RNF38: variants seen among roughly 807,000 people sequenced by gnomAD.
RNF38 encodes the protein E3 ubiquitin-protein ligase RNF38.
RNF38 carries 15 observed loss-of-function variants against 67.2 expected under a neutral mutation model. The observed-to-expected ratio is 0.22, with a 90% confidence interval of 0.15 to 0.34. RNF38 has a LOEUF of 0.34. RNF38 is among the 10% of genes least tolerant of loss of function. The pLI is 1.00. For synonymous variants in RNF38, 220 were observed against 218.8 expected (o/e 1.01, Z -0.05); for missense variants, 524 against 639.9 (o/e 0.82, Z 1.95).
At chr9:36,339,920 CCTCTGA>C in intron 11 of RNF38, 106 bp from the exon 12 acceptor site, 1 of 1,015,328 alleles carries the variant, frequency 9.8e-7, no homozygotes, top group Non-Finnish European at 1.5e-6. Context: ...ATTCTTTCTT[CCTCTGA>C]AGAGGTACAA....
chr9:36,469,671 T>TA (rs1034219850), intron 1 of RNF38, among the ~76,000 whole-genome samples: 1 of 151,480 alleles, frequency 6.6e-6, no homozygotes, highest in African/African-American at 2.4e-5. Flanking sequence ...CAATAAAAAA[T>TA]AAAAAATATA....
In RNF38 at chr9:36,349,827, T is replaced by G. The variant is rs1233217259; in HGVS notation, c.1263+1288A>C. ...GTGTAAAGGTCCAGTTTCATTCTTT[T>G]GCAGGTGGGTATCCAGTTTTCCCAA... On this transcript the variant is annotated intron_variant, in intron 9 of 11. Coordinates refer to ENST00000259605, the MANE Select transcript of RNF38 (RefSeq NM_022781.5). Among the ~76,000 whole-genome samples the G allele has an allele frequency of 2.6e-5, 4 of 152,210 alleles. No individual in the cohort carries two copies. The East Asian group carries it at 7.7e-4, about 29-fold the overall frequency.
At chr9:36,453,382 T>TC (rs1491423903) in intron 1 of RNF38, among the ~76,000 whole-genome samples, 63 of 124,836 alleles carry the variant, frequency 5.0e-4, no homozygotes, top group African/African-American at 2.4e-3. Flanking sequence ...GTTCAGGTAA[T>TC]TTTTTTTTTT....
intron 1 of RNF38, among the ~76,000 whole-genome samples, chr9:36,469,042 G>A (rs1348630182): frequency 6.6e-6 from 1 of 152,086 alleles, no homozygotes; most frequent in Admixed American, 6.5e-5. Context: ...AACCCAGGAG[G>A]CGGAGCTTGC....
chr9:36,347,577 G>A (rs1356880497), intron 9 of RNF38, among the ~76,000 whole-genome samples: 1 of 152,140 alleles, frequency 6.6e-6, no homozygotes, highest in Non-Finnish European at 1.5e-5. Flanking sequence ...AACTGTACTT[G>A]TATAAGACAG....
intron 4 of RNF38, among the ~76,000 whole-genome samples, chr9:36,362,050 A>G (rs1834577812): frequency 6.6e-6 from 1 of 152,144 alleles, no homozygotes; most frequent in Non-Finnish European, 1.5e-5. Context: ...ATATGGAAAT[A>G]GTACATTTTA....
At chr9:36,425,726 C>A (rs1351623989) in intron 1 of RNF38, among the ~76,000 whole-genome samples, 1 of 152,062 alleles carries the variant, frequency 6.6e-6, no homozygotes, top group Non-Finnish European at 1.5e-5. Context: ...TGAAAATAAT[C>A]TTGGAATAAG....
At chr9:36,427,869 C>T (rs1313641582) in intron 1 of RNF38, among the ~76,000 whole-genome samples, 1 of 151,470 alleles carries the variant, frequency 6.6e-6, no homozygotes, top group African/African-American at 2.4e-5. Flanking sequence ...TACCACCATG[C>T]CTGGCTAATT....
intron 1 of RNF38, among the ~76,000 whole-genome samples, chr9:36,434,107 G>A (rs1333714545): frequency 6.6e-6 from 1 of 150,702 alleles, no homozygotes; most frequent in Non-Finnish European, 1.5e-5. Flanking sequence ...GTGGTGGCAC[G>A]CGCCCATAAT....
chr9:36,360,951 A>G (rs1386457468), intron 4 of RNF38, among the ~76,000 whole-genome samples: 12 of 152,066 alleles, frequency 7.9e-5, no homozygotes, highest in Non-Finnish European at 1.8e-4. Flanking sequence ...AGCTGGGACT[A>G]CAAGTGCATG....
intron 2 of RNF38, among the ~76,000 whole-genome samples, chr9:36,417,365 T>C (rs536978065): frequency 1.4e-4 from 22 of 152,354 alleles, no homozygotes; most frequent in African/African-American, 4.8e-4. Flanking sequence ...TCCATCCGAG[T>C]AGAAGCTGCA....
chr9:36,487,218 G>A (rs1840438788), intron 1 of RNF38: 2 of 827,072 alleles, frequency 2.4e-6, no homozygotes, highest in Non-Finnish European at 2.9e-6. Context: ...CCCGTCGGCG[G>A]GGCCGGGCGC....
rs375642359 is a variant in RNF38 at position 36,351,298 on chromosome 9, G to A, written c.1179-99C>T. ...GGCCAGTGCTATAAGGATGAAGAAT[G>A]GTTAGTGTTAATCTGACAAATTTAA... On this transcript the variant is annotated intron_variant, in intron 8 of 11. Coordinates refer to ENST00000259605, the MANE Select transcript of RNF38 (RefSeq NM_022781.5). The A allele has an allele frequency of 4.1e-5, 30 of 736,460 alleles. No individual in the cohort carries two copies. The East Asian group carries it at 8.6e-4, about 21-fold the overall frequency. The allele number at this position is 736,460 out of a possible 1,614,324, so 45.6% of individuals were successfully genotyped here.
chr9:36,459,228 T>TG (rs1564070984), intron 1 of RNF38, among the ~76,000 whole-genome samples: 1 of 149,326 alleles, frequency 6.7e-6, no homozygotes, highest in Non-Finnish European at 1.5e-5. Context: ...AAAAGAAAGA[T>TG]AAAGATTGCC....
At chr9:36,362,573 T>C (rs1317195637) in intron 4 of RNF38, among the ~76,000 whole-genome samples, 2 of 151,412 alleles carry the variant, frequency 1.3e-5, no homozygotes, top group Non-Finnish European at 2.9e-5. Context: ...CCAAGGACCC[T>C]TTCCTGGTCA....
chr9:36,368,973 C>A (rs533046494), intron 4 of RNF38, among the ~76,000 whole-genome samples: 2 of 152,148 alleles, frequency 1.3e-5, no homozygotes, highest in South Asian at 4.1e-4. Flanking sequence ...TAGGCAACCT[C>A]TCTCCTCAGC....
intron 1 of RNF38, among the ~76,000 whole-genome samples, chr9:36,450,505 T>C (rs1383882471): frequency 6.6e-6 from 1 of 152,196 alleles, no homozygotes; most frequent in Non-Finnish European, 1.5e-5. Flanking sequence ...ACTAAACTCA[T>C]GCAAACTGCA....
At chr9:36,353,109 TAACTC>T in intron 7 of RNF38, 56 bp downstream of exon 7, 1 of 1,385,738 alleles carries the variant, frequency 7.2e-7, no homozygotes, top group South Asian at 1.2e-5. Flanking sequence ...TACTAAAACA[TAACTC>T]AGAACAAGTA....
intron 2 of RNF38, among the ~76,000 whole-genome samples, chr9:36,423,824 C>T (rs1350521304): frequency 1.1e-5 from 1 of 88,856 alleles, no homozygotes; most frequent in Non-Finnish European, 2.7e-5. Flanking sequence ...TGGCGGGCGC[C>T]TGTAGTCCCA....
Sources: gnomAD v4.1 joint callset for allele counts (sites outside exome capture counted in the v4.1 genomes callset) on GRCh38, gnomAD v4.1.1 for gene constraint, MANE v1.5 for transcripts, NCBI Gene and HGNC (gene_info 2026-07-23, HGNC 2026-07-21) for gene names.